SPAG16: variants seen among roughly 807,000 people sequenced by gnomAD.
SPAG16 encodes sperm-associated antigen 16 protein.
Under a neutral mutation model 80.4 loss-of-function variants are expected in SPAG16, and 86 were observed. The observed-to-expected ratio is 1.07, with a 90% CI of 0.90 to 1.28. The LOEUF is 1.28. Among genes scored for constraint, SPAG16 ranks in the 50% most tolerant of loss-of-function variants. The pLI is 0.00. For synonymous variants in SPAG16, 294 were observed against 265.9 expected, an observed-to-expected ratio of 1.11 and a Z score of -1.03; for missense variants, 870 against 765.3, an observed-to-expected ratio of 1.14 and a Z score of -1.61.
intron 13 of SPAG16, among the ~76,000 whole-genome samples, chr2:214,096,816 A>G (rs1055626330): frequency 6.6e-6 from 1 of 152,242 alleles, no homozygotes; most frequent in Admixed American, 6.6e-5. Context: ...GCTGCAATCA[A>G]TCTTTCACAG....
chr2:213,673,483 A>C lies in SPAG16; in HGVS notation c.1070+183393A>C, dbSNP rs541552462. 5.3e-5 allele frequency among the ~76,000 whole-genome samples: 8 copies of C among 152,308 alleles called. No individual in the cohort carries two copies. In the South Asian group the frequency reaches 1.7e-3, roughly 32 times the overall value. ...TGTCTATTAATAAAAGACTAGAAGCAATCATGGCACCTCCATACAGTAGGC... is the reference window on the plus strand; with the variant it reads ...TGTCTATTAATAAAAGACTAGAAGCCATCATGGCACCTCCATACAGTAGGC... On this transcript the variant is annotated intron_variant, in intron 10 of 15. Transcript: ENST00000331683.
intron 15 of SPAG16, among the ~76,000 whole-genome samples, chr2:214,194,340 G>A (rs1191737211): frequency 6.6e-6 from 1 of 152,010 alleles, no homozygotes; most frequent in African/African-American, 2.4e-5. Flanking sequence ...TGTACTCATA[G>A]ACTGTATCCT....
chr2:214,007,281 G>C (rs1055078784), intron 12 of SPAG16, among the ~76,000 whole-genome samples: 3 of 152,002 alleles, frequency 2.0e-5, no homozygotes, highest in Non-Finnish European at 2.9e-5. Context: ...ATTCTTTACA[G>C]ATTGAAATGC....
intron 10 of SPAG16, among the ~76,000 whole-genome samples, chr2:213,777,189 A>C (rs1038510554): frequency 7.3e-5 from 11 of 150,426 alleles, no homozygotes. Flanking sequence ...TATTAATACT[A>C]ACCCCAAATC....
At chr2:214,150,209 T>C in intron 15 of SPAG16, among the ~76,000 whole-genome samples, 1 of 152,066 alleles carries the variant, frequency 6.6e-6, no homozygotes, top group Non-Finnish European at 1.5e-5. Flanking sequence ...CAGGAGTAAT[T>C]CTAGAGCCAG....
chr2:213,953,479 T>C, intron 12 of SPAG16, among the ~76,000 whole-genome samples: 1 of 151,720 alleles, frequency 6.6e-6, no homozygotes, highest in Non-Finnish European at 1.5e-5. Context: ...GGAACACAAA[T>C]GTATCCCAGA....
chr2:213,428,538 G>A (rs1026486731), intron 9 of SPAG16, among the ~76,000 whole-genome samples: 2 of 152,144 alleles, frequency 1.3e-5, no homozygotes, highest in African/African-American at 4.8e-5. Context: ...GCTGGGTTTG[G>A]GGCAACAGAG....
chr2:214,269,261 TATG>T (rs1691814793), intron 15 of SPAG16, among the ~76,000 whole-genome samples: 1 of 152,052 alleles, frequency 6.6e-6, no homozygotes, highest in Admixed American at 6.6e-5. Flanking sequence ...TTTAAAATCT[TATG>T]ATAAAATCAA....
chr2:213,698,071 C>G (rs1013683917), intron 10 of SPAG16, among the ~76,000 whole-genome samples: 1 of 152,046 alleles, frequency 6.6e-6, no homozygotes, highest in Admixed American at 6.6e-5. Context: ...TTACTTCTAC[C>G]CTTTTCAACC....
intron 10 of SPAG16, among the ~76,000 whole-genome samples, chr2:213,770,741 G>A (rs2069196311): frequency 6.6e-6 from 1 of 152,088 alleles, no homozygotes; most frequent in Non-Finnish European, 1.5e-5. Context: ...GTGTTAGTTT[G>A]CTGAGGGATA....
chr2:214,169,671 T>C (rs923932971), intron 15 of SPAG16, among the ~76,000 whole-genome samples: 9 of 152,104 alleles, frequency 5.9e-5, no homozygotes, highest in African/African-American at 9.7e-5. Context: ...GAGACATATA[T>C]ACAACATTAG....
At chr2:213,621,950 T>A (rs905128518) in intron 10 of SPAG16, among the ~76,000 whole-genome samples, 1 of 152,150 alleles carries the variant, frequency 6.6e-6, no homozygotes, top group Admixed American at 6.5e-5. Flanking sequence ...CACTTCACAA[T>A]AAGTCTTAGA....
At chr2:213,309,966 T>G in intron 3 of SPAG16, 93 bp from the exon 4 acceptor site, 1 of 742,770 alleles carries the variant, frequency 1.3e-6, no homozygotes, top group Non-Finnish European at 2.2e-6. Context: ...TGAAAAAAAA[T>G]GAATGGATGA....
chr2:213,314,453 T>G (rs1433380644), intron 4 of SPAG16, among the ~76,000 whole-genome samples: 1 of 151,830 alleles, frequency 6.6e-6, no homozygotes, highest in East Asian at 1.9e-4. Flanking sequence ...ACATTATGTA[T>G]GAGAATTCAG....
chr2:213,442,158 C>T (rs572469469), intron 9 of SPAG16, among the ~76,000 whole-genome samples: 5 of 152,098 alleles, frequency 3.3e-5, no homozygotes, highest in Non-Finnish European at 7.4e-5. Flanking sequence ...AAAAAACAAA[C>T]AAACCGAAAC....
chr2:213,883,985 G>A (rs2076455180), intron 11 of SPAG16, among the ~76,000 whole-genome samples: 2 of 152,120 alleles, frequency 1.3e-5, no homozygotes, highest in African/African-American at 4.8e-5. Flanking sequence ...CCTTTTAAGT[G>A]GGGTGTTTAG....
intron 10 of SPAG16, among the ~76,000 whole-genome samples, chr2:213,799,335 T>G (rs1305699890): frequency 6.6e-6 from 1 of 152,166 alleles, no homozygotes. Flanking sequence ...GAATCTATTG[T>G]GGATGGAATT....
chr2:213,872,608 G>A (rs879742370), intron 11 of SPAG16, among the ~76,000 whole-genome samples: 3 of 151,892 alleles, frequency 2.0e-5, no homozygotes, highest in South Asian at 4.2e-4. Flanking sequence ...GCTCTGGCTC[G>A]AACCTCCAGT....
intron 9 of SPAG16, among the ~76,000 whole-genome samples, chr2:213,430,167 T>G (rs895614013): frequency 2.0e-5 from 3 of 149,912 alleles, no homozygotes; most frequent in Admixed American, 2.0e-4. Flanking sequence ...ACAGAACTTC[T>G]GGAAATGAAA....
Sources: gnomAD v4.1 joint callset for allele counts (sites outside exome capture counted in the v4.1 genomes callset) on GRCh38, gnomAD v4.1.1 for gene constraint, MANE v1.5 for transcripts, NCBI Gene and HGNC (gene_info 2026-07-23, HGNC 2026-07-21) for gene names.